The following MARCHF10 variants were observed in gnomAD, a reference collection of about 807,000 sequenced individuals.
MARCHF10 encodes the protein membrane associated ring-CH-type finger 10.
A neutral mutation model predicts 76.2 loss-of-function variants in MARCHF10; 64 were observed. The observed-to-expected ratio is 0.84, with a 90% CI of 0.69 to 1.03. The LOEUF (loss-of-function observed/expected upper bound fraction) is 1.03. Among genes scored for constraint, MARCHF10 ranks in the 50% least tolerant of loss-of-function variants. The probability of loss-of-function intolerance (pLI) is 0.00; values close to 1 mark genes in which losing one functional copy is unlikely to be tolerated. For synonymous variants in MARCHF10, 340 were observed against 357.5 expected, an observed-to-expected ratio of 0.95 and a Z score of 0.55; for missense variants, 875 against 958.0, an observed-to-expected ratio of 0.91 and a Z score of 1.14.
At chr17:62,723,558 A>ATTTTTTTTTTTTTTTTT (rs2090597792) in intron 7 of MARCHF10, among the ~76,000 whole-genome samples, 1 of 62,362 alleles carries the variant, frequency 1.6e-5, no homozygotes, top group African/African-American at 1.3e-4. Flanking sequence ...TGTTCGCTTG[A>ATTTTTTTTTTTTTTTTT]CTTTTTTTTT....
intron 5 of MARCHF10, among the ~76,000 whole-genome samples, chr17:62,742,017 TTTTTTTC>T (rs1461202443): frequency 1.4e-5 from 1 of 72,508 alleles, no homozygotes; most frequent in African/African-American, 1.1e-4. Flanking sequence ...TTTTTTTTTC[TTTTTTTC>T]TTTTTTTTTT....
rs1225775789 is a variant in MARCHF10 at position 62,711,492 on chromosome 17, A to G, written c.2215-148T>C. On this transcript the variant is annotated intron_variant, in intron 8 of 10. Coordinates refer to ENST00000311269, the MANE Select transcript of MARCHF10 (RefSeq NM_152598.4). The surrounding 1 kb of genome is among the most constrained non-coding windows in gnomAD (Gnocchi z 4.4). ...AAGGCCTGCTCTTGGGGACCAGAAG[A>G]CAGAGCAGGAGGAGATCCAGGGTAG... 7.1e-6 allele frequency: 5 copies of G among 705,368 alleles called. No individual in the cohort carries two copies. Among genetic ancestry groups the G allele is most frequent in the Non-Finnish European group, 1.2e-5 (5 of 416,474 alleles). 43.7% of individuals were successfully genotyped at this position (705,368 alleles called of 1,614,324 possible). A position where few individuals can be genotyped will look rare whatever the true frequency, so the allele number is the denominator to read the frequency against.
chr17:62,721,506 A>T (rs1213281694), intron 8 of MARCHF10, among the ~76,000 whole-genome samples: 1 of 152,104 alleles, frequency 6.6e-6, no homozygotes, highest in Non-Finnish European at 1.5e-5. Flanking sequence ...AGGTTGGTGC[A>T]AAAGTAATTG....
At chr17:62,708,982 A>G (rs1301745205) in intron 9 of MARCHF10, among the ~76,000 whole-genome samples, 1 of 152,200 alleles carries the variant, frequency 6.6e-6, no homozygotes, top group Non-Finnish European at 1.5e-5. Flanking sequence ...TGGGTCCACT[A>G]GTTCTCTTGC....
intron 6 of MARCHF10, among the ~76,000 whole-genome samples, chr17:62,732,498 T>C (rs990560448): frequency 6.6e-6 from 1 of 152,178 alleles, no homozygotes; most frequent in African/African-American, 2.4e-5. Flanking sequence ...CGCTCGGATA[T>C]TTCATATTCA....
intron 5 of MARCHF10, among the ~76,000 whole-genome samples, chr17:62,740,063 TGTGTGTGTGTGTGTGTGTGC>T (rs1214616065): frequency 7.3e-6 from 1 of 136,318 alleles, no homozygotes; most frequent in Non-Finnish European, 1.7e-5. Flanking sequence ...TGTGTGTGTG[TGTGTGTGTGTGTGTGTGTGC>T]GTGTGTGTGT....
At chr17:62,768,057 C>G (rs955515405) in intron 3 of MARCHF10, among the ~76,000 whole-genome samples, 46 of 152,182 alleles carry the variant, frequency 3.0e-4, no homozygotes, top group Non-Finnish European at 4.1e-4. Flanking sequence ...GACGGCAGAA[C>G]CAGCATCAGC....
At position 62,769,201 on chromosome 17, in the gene MARCHF10, G is replaced by A. The variant is rs2092395768; in HGVS notation, c.211-9195C>T. On this transcript the variant is annotated intron_variant, in intron 3 of 10. Transcript: ENST00000311269. ...GGTAAATGCTGTGTTTGATCTATAG[G>A]ATAAGGTGGTGACCACCAGATTTCT... Among the ~76,000 whole-genome samples the A allele has an allele frequency of 2.0e-5, 3 of 152,242 alleles. No homozygotes were observed. In the South Asian group the frequency reaches 6.2e-4, roughly 32 times the overall value.
In MARCHF10 at chr17:62,805,991, A is replaced by G. The variant is rs181971268; in HGVS notation, c.-18+2086T>C. On this transcript the variant is annotated intron_variant, in intron 1 of 10. Coordinates refer to ENST00000311269, the MANE Select transcript of MARCHF10 (RefSeq NM_152598.4). ...CTCTCTTCCTTCCCATAAACTCTCT[A>G]TTACATTGTATTTTACAATATTTAG... 1.1e-4 allele frequency among the ~76,000 whole-genome samples: 16 copies of G among 152,198 alleles called. No homozygotes were observed. In the East Asian group the frequency reaches 2.3e-3, roughly 22 times the overall value.
At chr17:62,746,856 T>A (rs977938681) in intron 4 of MARCHF10, 1 of 1,528,432 alleles carries the variant, frequency 6.5e-7, no homozygotes. Flanking sequence ...GCCCCGCCAC[T>A]GCATTCACCT....
At chr17:62,705,348 T>C in intron 10 of MARCHF10, 191 bp downstream of exon 10, 1 of 1,511,166 alleles carries the variant, frequency 6.6e-7, no homozygotes, top group African/African-American at 1.4e-5. Flanking sequence ...TTATCTGCTC[T>C]GCATCCAGTG....
intron 1 of MARCHF10, among the ~76,000 whole-genome samples, chr17:62,804,502 A>C (rs1439746648): frequency 6.6e-6 from 1 of 152,220 alleles, no homozygotes; most frequent in East Asian, 1.9e-4. Context: ...GTGCCGTTTC[A>C]GAGATGCCCA....
In MARCHF10 at chr17:62,736,187, C is replaced by A. The variant is rs779252275; in HGVS notation, c.1681G>T (p.Asp561Tyr). 1 of 1,614,184 alleles carries A rather than the reference C, an allele frequency of 6.2e-7. No individual in the cohort carries two copies. The highest frequency in any genetic ancestry group is 8.5e-7 in the Non-Finnish European group (1 of 1,180,036). Residue 561 changes from aspartate (D) to tyrosine (Y), a missense_variant, in exon 6 of 11, where the codon GAT becomes TAT. By Grantham distance (160) the Asp-to-Tyr change is radical (BLOSUM62 -3). Transcript: ENST00000311269. ...SQPQGAPLYT[D>Y]LLLNPQGNLS... is the part of the protein sequence containing the mutation. ...TTGCCCTGTGGATTTAGTAAGAGAT[C>A]TGTATATAGTGGAGCCCCCTGAGGC... is the stretch of plus-strand genomic sequence containing the variant.
At chr17:62,767,076 G>C (rs909198064) in intron 3 of MARCHF10, among the ~76,000 whole-genome samples, 2 of 152,170 alleles carry the variant, frequency 1.3e-5, no homozygotes, top group African/African-American at 4.8e-5. Context: ...TTCTAGGACA[G>C]CCAGGCAGGT....
intron 4 of MARCHF10, among the ~76,000 whole-genome samples, chr17:62,745,352 G>A (rs2091667100): frequency 6.6e-6 from 1 of 152,138 alleles, no homozygotes; most frequent in African/African-American, 2.4e-5. Flanking sequence ...GATCTACTCA[G>A]CTTGGCCTCC....
intron 10 of MARCHF10, among the ~76,000 whole-genome samples, chr17:62,704,773 T>G (rs1156477348): frequency 3.3e-5 from 5 of 152,218 alleles, no homozygotes. Flanking sequence ...GGAGCCACTG[T>G]TCTAAGGGCT....
chr17:62,718,808 TTTCTCAAGAAGTCC>T (rs1232475535), intron 8 of MARCHF10, among the ~76,000 whole-genome samples: 1 of 152,182 alleles, frequency 6.6e-6, no homozygotes, highest in East Asian at 1.9e-4. Context: ...ACACTATTTA[TTTCTCAAGAAGTCC>T]TTCTCCTCTC....
chr17:62,704,331 G>T (rs543374795), intron 10 of MARCHF10, among the ~76,000 whole-genome samples: 375 of 152,202 alleles, frequency 2.5e-3, no homozygotes, highest in African/African-American at 8.7e-3. Context: ...GGAGGCCCGG[G>T]GGGGCGAGGC....
intron 3 of MARCHF10, among the ~76,000 whole-genome samples, chr17:62,770,071 C>T (rs1197007351): frequency 1.3e-5 from 2 of 152,158 alleles, no homozygotes; most frequent in Non-Finnish European, 2.9e-5. Context: ...TGTTTATATC[C>T]ATGTGTGCTC....
Sources: allele counts gnomAD v4.1 joint callset (sites outside exome capture counted in the v4.1 genomes callset), GRCh38; gene constraint gnomAD v4.1.1; non-coding constraint Gnocchi (gnomAD v3.1); transcripts MANE v1.5; gene names NCBI Gene and HGNC (gene_info 2026-07-23, HGNC 2026-07-21).